PCDHA6: variants seen among roughly 807,000 people sequenced by gnomAD.
PCDHA6 encodes protocadherin alpha-6.
Under a neutral mutation model 60.3 loss-of-function variants are expected in PCDHA6, and 55 were observed. The ratio of observed to expected loss-of-function variants is 0.91; its 90% CI spans 0.73 to 1.14. The LOEUF (loss-of-function observed/expected upper bound fraction) is 1.14. PCDHA6 is among the 50% of genes most tolerant of loss of function. The pLI, the probability that PCDHA6 is intolerant of heterozygous loss-of-function variation, is 0.00. For synonymous variants in PCDHA6, 652 were observed against 557.9 expected (o/e 1.17, Z -2.38); for missense variants, 1,327 against 1,256.5 (o/e 1.06, Z -0.85).
chr5:140,873,893 T>G (rs1308011914), intron 1 of PCDHA6, among the ~76,000 whole-genome samples: 2 of 152,166 alleles, frequency 1.3e-5, no homozygotes, highest in Non-Finnish European at 2.9e-5. Context: ...ACTCCTGACC[T>G]CAGGTGATCT....
intron 1 of PCDHA6, chr5:140,841,467 C>A: frequency 6.2e-7 from 1 of 1,612,946 alleles, no homozygotes; most frequent in Non-Finnish European, 8.5e-7. Context: ...GGCCGGATCG[C>A]GCAGGACCTG....
At chr5:140,873,448 T>C (rs917341990) in intron 1 of PCDHA6, among the ~76,000 whole-genome samples, 1 of 152,206 alleles carries the variant, frequency 6.6e-6, no homozygotes, top group East Asian at 1.9e-4. Flanking sequence ...AAATAACAAA[T>C]TTGCATTTTA....
rs377081112 is a variant in PCDHA6 at position 140,871,063 on chromosome 5, G to T, written c.2394+40578G>T. The T allele has an allele frequency of 1.1e-5, 18 of 1,613,154 alleles. No homozygotes were observed. In the African/African-American group the frequency reaches 2.0e-4, roughly 18 times the overall value. On this transcript the variant is annotated intron_variant, in intron 1 of 3. Transcript: ENST00000529310. ...ACTTCTAGTACTGGTGAAGGATCAC[G>T]GTGAGCCGGCGCTGACGGCCACGGC...
In PCDHA6 at chr5:140,883,789, C is replaced by T. The variant is rs782802452; in HGVS notation, c.2394+53304C>T. ...TGGGCGAGCGTGCGCTGTCGAGCTACGTGTCGGTGCACGCGGAGAGCGGCA... is the reference window on the plus strand; with the variant it reads ...TGGGCGAGCGTGCGCTGTCGAGCTATGTGTCGGTGCACGCGGAGAGCGGCA... On this transcript the variant is annotated intron_variant, in intron 1 of 3. Coordinates refer to ENST00000529310, the MANE Select transcript of PCDHA6 (RefSeq NM_018909.4). 1.4e-5 allele frequency: 22 copies of T among 1,612,296 alleles called. No homozygotes were observed. In the South Asian group the frequency reaches 2.0e-4, roughly 14 times the overall value.
rs2150182474 is a variant in PCDHA6 at position 140,830,181 on chromosome 5, A to G, written c.2090A>G (p.Asn697Ser). The G allele has an allele frequency of 8.7e-6, 14 of 1,613,592 alleles. No individual in the cohort carries two copies. The East Asian group carries it at 1.8e-4, about 21-fold the overall frequency. ...AGPEAALVDVNVYLIIAICAV... is the reference protein window; with the variant it reads ...AGPEAALVDVSVYLIIAICAV... Reference sequence around the variant, plus strand: ...CCAGAGGCGGCGCTGGTGGATGTCAACGTGTACCTGATCATCGCCATCTGC... The same window carrying G: ...CCAGAGGCGGCGCTGGTGGATGTCAGCGTGTACCTGATCATCGCCATCTGC... The change falls in exon 1 of 4, where the codon AAC (asparagine) becomes AGC (serine). Residue 697 changes from asparagine (N) to serine (S), a missense_variant. Asn to Ser is a conservative substitution (Grantham distance 46, BLOSUM62 1). Transcript: ENST00000529310.
intron 1 of PCDHA6, chr5:140,966,327 C>A (rs1381846026): frequency 5.1e-6 from 2 of 392,388 alleles, no homozygotes; most frequent in East Asian, 3.6e-5. Flanking sequence ...CCGCTGGGAT[C>A]CGGCAGGTCC....
At chr5:140,848,787 C>T in intron 1 of PCDHA6, 2 of 1,592,990 alleles carry the variant, frequency 1.3e-6, no homozygotes, top group Non-Finnish European at 1.7e-6. Context: ...GCTGTGCGGG[C>T]GGAGCGCGGA....
intron 1 of PCDHA6, among the ~76,000 whole-genome samples, chr5:140,954,141 T>C (rs1344784554): frequency 2.0e-5 from 3 of 152,208 alleles, no homozygotes; most frequent in Non-Finnish European, 4.4e-5. Flanking sequence ...TGCATAGTAT[T>C]CCATGGTGTA....
In PCDHA6 at chr5:141,010,048, C is replaced by T; in HGVS notation, c.*111C>T. 4 of 1,597,434 alleles carry T rather than the reference C, an allele frequency of 2.5e-6. No homozygotes were observed. The highest frequency in any genetic ancestry group is 3.4e-6 in the Non-Finnish European group (4 of 1,172,252). Reference sequence around the variant, plus strand: ...CTATCTACATGAGCCCTCTTAGAGACCTCAGAAATCTGCAGAAAGTTCCCT... The same window carrying T: ...CTATCTACATGAGCCCTCTTAGAGATCTCAGAAATCTGCAGAAAGTTCCCT... On this transcript the variant is annotated 3_prime_UTR_variant, in exon 4 of 4. Coordinates refer to ENST00000529310, the MANE Select transcript of PCDHA6 (RefSeq NM_018909.4).
At chr5:140,968,464 C>G (rs1554230763) in intron 1 of PCDHA6, 1 of 1,614,114 alleles carries the variant, frequency 6.2e-7, no homozygotes, top group Non-Finnish European at 8.5e-7. Flanking sequence ...TGACTGCCAA[C>G]GTATATGTGG....
At chr5:140,977,862 A>G (rs142967836) in intron 1 of PCDHA6, among the ~76,000 whole-genome samples, 3 of 152,372 alleles carry the variant, frequency 2.0e-5, no homozygotes, top group African/African-American at 7.2e-5. Context: ...TCTACCAAAT[A>G]TGGTAAGTAT....
At chr5:140,884,422 T>C (rs1470374467) in intron 1 of PCDHA6, 15 of 1,613,860 alleles carry the variant, frequency 9.3e-6, no homozygotes, top group Middle Eastern at 1.6e-4. Context: ...TGCTGCTGTA[T>C]ACTGCGCTGC....
chr5:140,883,946 G>A, intron 1 of PCDHA6: 5 of 1,613,392 alleles, frequency 3.1e-6, no homozygotes, highest in Middle Eastern at 1.7e-4. Context: ...GGACGAGAAC[G>A]ACAACGCTCC....
At chr5:140,869,975 T>C (rs1562636456) in intron 1 of PCDHA6, 1 of 1,613,324 alleles carries the variant, frequency 6.2e-7, no homozygotes, top group Non-Finnish European at 8.5e-7. Flanking sequence ...GGAAGACACT[T>C]ATTTACACTA....
chr5:140,855,986 G>A (rs191873949), intron 1 of PCDHA6: 1 of 1,477,690 alleles, frequency 6.8e-7, no homozygotes, highest in Non-Finnish European at 9.1e-7. Context: ...GACAGAAAAT[G>A]TCAGATCGTA....
rs2150492739 is a variant in PCDHA6 at position 140,850,664 on chromosome 5, C to G, written c.2394+20179C>G. On this transcript the variant is annotated intron_variant, in intron 1 of 3. Coordinates refer to ENST00000529310, the MANE Select transcript of PCDHA6 (RefSeq NM_018909.4). Reference sequence around the variant, plus strand: ...TGCTGCTGTACACTGTGCTGCGGTGCTCGGCGATGCCCACCGAGGGCGAGT... The same window carrying G: ...TGCTGCTGTACACTGTGCTGCGGTGGTCGGCGATGCCCACCGAGGGCGAGT... 4.4e-6 allele frequency: 7 copies of G among 1,598,280 alleles called. No individual in the cohort carries two copies. In the African/African-American group the frequency reaches 9.4e-5, roughly 22 times the overall value.
chr5:140,834,228 G>A (rs1772850652), intron 1 of PCDHA6: 1 of 716,682 alleles, frequency 1.4e-6, no homozygotes. Flanking sequence ...GCAAAAGGAA[G>A]TCATTCCTTT....
chr5:140,986,220 T>C (rs2097190951), intron 3 of PCDHA6, among the ~76,000 whole-genome samples: 1 of 152,194 alleles, frequency 6.6e-6, no homozygotes, highest in African/African-American at 2.4e-5. Flanking sequence ...CCCCTTTCTC[T>C]AGCCTCCCCT....
chr5:140,982,545 G>C lies in PCDHA6; in HGVS notation c.2524G>C (p.Val842Leu), dbSNP rs782544627. The change falls in exon 3 of 4, where the codon GTA becomes CTA. Residue 842 changes from valine (V) to leucine (L), a missense_variant. Val to Leu is a conservative substitution (Grantham distance 32). Transcript: ENST00000529310. The stretch of plus-strand genomic sequence containing the variant: ...AGGGCCTGATCAGCAGTGGCCAACA[G>C]TATCCAGTGCAACACCAGGTAAAGA... ...PGGPDQQWPT[V>L]SSATPEPEAG... The C allele has an allele frequency of 6.2e-6, 10 of 1,614,088 alleles. No individual in the cohort carries two copies. The East Asian group carries it at 2.2e-4, about 36-fold the overall frequency.
Sources: gnomAD v4.1 joint callset for allele counts (sites outside exome capture counted in the v4.1 genomes callset) on GRCh38, gnomAD v4.1.1 for gene constraint, MANE v1.5 for transcripts, NCBI Gene and HGNC (gene_info 2026-07-23, HGNC 2026-07-21) for gene names.